The following MTCP1 variants were observed in gnomAD, a reference collection of about 807,000 sequenced individuals.
The protein encoded by MTCP1 is mature T cell proliferation 1, also known as protein p13 MTCP-1.
A neutral mutation model predicts 10.6 loss-of-function variants in MTCP1; 2 were observed. The ratio of observed to expected loss-of-function variants is 0.19; its 90% CI spans 0.08 to 0.59. MTCP1 has a LOEUF of 0.59. Among genes scored for constraint, MTCP1 ranks in the 20% least tolerant of loss-of-function variants. The pLI, the probability that MTCP1 is intolerant of heterozygous loss-of-function variation, is 0.90. For synonymous variants in MTCP1, 29 were observed against 34.4 expected, an observed-to-expected ratio of 0.84 and a Z score of 0.55; for missense variants, 33 against 91.5, an observed-to-expected ratio of 0.36 and a Z score of 2.61.
intron 1 of MTCP1, 26 bp from the exon 2 acceptor site, chrX:155,066,083 G>A: frequency 1.2e-6 from 1 of 865,252 alleles, no homozygotes; most frequent in South Asian, 2.2e-5. Flanking sequence ...ACAGGACACA[G>A]GTGTGACTTT....
Position 155,065,620 on chromosome X carries a change from A to G in MTCP1, c.275T>C (p.Met92Thr). The G allele has an allele frequency of 8.3e-7, 1 of 1,210,959 alleles. No individual in the cohort carries two copies. The highest frequency in any genetic ancestry group is 1.1e-6 in the Non-Finnish European group (1 of 894,690). The change falls in exon 3 of 5, where the codon ATG (methionine) becomes ACG (threonine). Residue 92 changes from methionine (M) to threonine (T), a missense_variant and splice_region_variant. Physicochemically the swap from Met to Thr is moderately conservative, Grantham distance 81 (BLOSUM62 -1). Coordinates refer to ENST00000369476, the MANE Select transcript of MTCP1 (RefSeq NM_001018025.4). Reference protein sequence around the residue: ...SRLWQIQHHLMVRGVQELLLK... With the variant: ...SRLWQIQHHLTVRGVQELLLK... The stretch of plus-strand genomic sequence containing the variant: ...AAAATAATTAAGCAACATGTGTACC[A>G]TTAAATGATGCTGTATCTGCCACAA...
In MTCP1 at chrX:155,064,317, C is replaced by T. The variant is rs1204477988; in HGVS notation, c.*1087G>A. 4.4e-5 allele frequency: 8 copies of T among 183,613 alleles called. No homozygotes were observed. Among genetic ancestry groups the T allele is most frequent in the South Asian group, 2.6e-4 (1 of 3,843 alleles). The allele number at this position is 183,613 out of a possible 1,213,427, so 15.1% of individuals were successfully genotyped here. On this transcript the variant is annotated 3_prime_UTR_variant, in exon 5 of 5. Transcript: ENST00000369476. Reference sequence around the variant, plus strand: ...ACCAACGTTAGGCTAGAGGAGCCGACGGCGCAGCCTGGCTCTATCATTCGC... The same window carrying T: ...ACCAACGTTAGGCTAGAGGAGCCGATGGCGCAGCCTGGCTCTATCATTCGC...
intron 1 of MTCP1, among the ~76,000 whole-genome samples, chrX:155,069,473 T>G (rs1336745892): frequency 1.8e-5 from 2 of 112,147 alleles, no homozygotes; most frequent in African/African-American, 6.5e-5. Flanking sequence ...ATTTCCTATA[T>G]GTTTACATAT....
Position 155,065,904 on chromosome X carries a change from A to C in MTCP1, c.105+2T>G. 8.3e-7 allele frequency: 1 copy of C among 1,208,685 alleles called. No individual in the cohort carries two copies. Among genetic ancestry groups the C allele is most frequent in the Non-Finnish European group, 1.1e-6 (1 of 892,704 alleles). ...AGAAATAAGCAAAATGTAAACAGTT[A>C]CCTCTTCCACGACGGCCACCCACGT... is the stretch of plus-strand genomic sequence containing the variant. On this transcript the variant is annotated splice_donor_variant, in intron 2 of 4. Transcript: ENST00000369476. LOFTEE classifies it high-confidence loss of function.
At position 155,065,664 on chromosome X, in the gene MTCP1, G is replaced by A. The variant is rs1557291950; in HGVS notation, c.231C>T (p.Tyr77=). The A allele has an allele frequency of 8.3e-7, 1 of 1,211,822 alleles. No homozygotes were observed. The highest frequency in any genetic ancestry group is 1.1e-6 in the Non-Finnish European group (1 of 895,402). The change falls in exon 3 of 5, where the codon TAC becomes TAT. Residue 77 remains tyrosine, a synonymous_variant. Transcript: ENST00000369476. Reference sequence around the variant, plus strand: ...GCCACAAGCGAGAGTTGTTATCCATGTAGCGCTCCTCCGGGTAGAGTTGCC... The same window carrying A: ...GCCACAAGCGAGAGTTGTTATCCATATAGCGCTCCTCCGGGTAGAGTTGCC... ...LMWQLYPEER[Y]MDNNSRLWQI... is the part of the protein sequence containing the mutation.
At chrX:155,066,166 T>C in intron 1 of MTCP1, 109 bp from the exon 2 acceptor site, 1 of 437,488 alleles carries the variant, frequency 2.3e-6, no homozygotes, top group Non-Finnish European at 4.0e-6. Context: ...CCAAACCTCA[T>C]ATGTCTATTT....
rs1425133330 is a variant in MTCP1 at position 155,065,299 on chromosome X, C to T, written c.*105G>A. On this transcript the variant is annotated 3_prime_UTR_variant, in exon 5 of 5. Transcript: ENST00000369476. The stretch of plus-strand genomic sequence containing the variant: ...TCTTGAGCAGTTTTTCAACCCACTC[C>T]CTCCCCCCAGGCCCAAGGGTGGGTG... The T allele has an allele frequency of 1.1e-5, 5 of 448,177 alleles. No homozygotes were observed. The highest frequency in any genetic ancestry group is 1.9e-5 in the Non-Finnish European group (5 of 256,878). 36.9% of individuals were successfully genotyped at this position (448,177 alleles called of 1,213,427 possible). A position where few individuals can be genotyped will look rare whatever the true frequency, so the allele number is the denominator to read the frequency against.
In MTCP1 at chrX:155,065,213, C is replaced by T. The variant is rs781926581; in HGVS notation, c.*191G>A. 21 of 365,727 alleles carry T rather than the reference C, an allele frequency of 5.7e-5. No individual in the cohort carries two copies. Among genetic ancestry groups the T allele is most frequent in the Middle Eastern group, 7.5e-4 (1 of 1,336 alleles). 30.1% of individuals were successfully genotyped at this position (365,727 alleles called of 1,213,427 possible). A position where few individuals can be genotyped will look rare whatever the true frequency, so the allele number is the denominator to read the frequency against. ...CTTTTGTTGACTTGCTTTCTGCCTACGTAACCTCTCTCTGCAGTTTCACTT... is the reference window on the plus strand; with the variant it reads ...CTTTTGTTGACTTGCTTTCTGCCTATGTAACCTCTCTCTGCAGTTTCACTT... On this transcript the variant is annotated 3_prime_UTR_variant, in exon 5 of 5. Transcript: ENST00000369476.
intron 1 of MTCP1, among the ~76,000 whole-genome samples, chrX:155,066,599 A>G (rs1184465261): frequency 6.2e-5 from 7 of 112,262 alleles, no homozygotes; most frequent in African/African-American, 2.3e-4. Flanking sequence ...TCTATTTATC[A>G]GTTTACTAAG....
At position 155,070,745 on chromosome X, in the gene MTCP1, TA is replaced by T. The variant is rs1380791970; in HGVS notation, c.-100del. 1 of 111,966 alleles carries T rather than the reference TA, an allele frequency of 8.9e-6. No individual in the cohort carries two copies. The highest frequency in any genetic ancestry group is 1.9e-5 in the Non-Finnish European group (1 of 53,118). The allele number at this position is 111,966 out of a possible 1,213,427, so 9.2% of individuals were successfully genotyped here. A position where few individuals can be genotyped will look rare whatever the true frequency, so the allele number is the denominator to read the frequency against. ...TAATCCGCCTTGAGAACAGCTAGGCTAAAACTTCCAGGTCTCCCACCCTGGG... is the reference window on the plus strand; with the variant it reads ...TAATCCGCCTTGAGAACAGCTAGGCTAAACTTCCAGGTCTCCCACCCTGGG... On this transcript the variant is annotated 5_prime_UTR_variant, in exon 1 of 5. Coordinates refer to ENST00000369476, the MANE Select transcript of MTCP1 (RefSeq NM_001018025.4).
rs201019014 is a variant in MTCP1 at position 155,066,535 on chromosome X, A to G, written c.-47-478T>C. On this transcript the variant is annotated intron_variant, in intron 1 of 4. Transcript: ENST00000369476. ...TTTAAAAGGTAAGATTCTGAAGGACATATATGCATGTCTTTCAGAGTTGAA... is the reference window on the plus strand; with the variant it reads ...TTTAAAAGGTAAGATTCTGAAGGACGTATATGCATGTCTTTCAGAGTTGAA... Among the ~76,000 whole-genome samples the G allele has an allele frequency of 3.5e-5, 4 of 112,769 alleles. No individual in the cohort carries two copies. The East Asian group carries it at 1.1e-3, about 31-fold the overall frequency.
Position 155,064,095 on chromosome X carries a change from C to A in MTCP1, c.*1309G>T, listed in dbSNP as rs1557291831. 1.1e-6 allele frequency: 1 copy of A among 948,800 alleles called. No individual in the cohort carries two copies. Among genetic ancestry groups the A allele is most frequent in the African/African-American group, 2.0e-5 (1 of 50,796 alleles). The allele number at this position is 948,800 out of a possible 1,213,427, so 78.2% of individuals were successfully genotyped here. ...CCATAAAGACTTTAAAGCCCCTCTA[C>A]GTGGAATTTTCTTCTGAGACAAGCA... On this transcript the variant is annotated 3_prime_UTR_variant, in exon 5 of 5. Transcript: ENST00000369476.
In MTCP1 at chrX:155,070,961, G is replaced by A. The variant is rs1428880632; in HGVS notation, c.-315C>T. On this transcript the variant is annotated 5_prime_UTR_variant, in exon 1 of 5. Coordinates refer to ENST00000369476, the MANE Select transcript of MTCP1 (RefSeq NM_001018025.4). ...ATAAAACCTTAACTGTTTTGGGACT[G>A]ACTTTCAAAAGAGCGTCCCCCTGGC... is the stretch of plus-strand genomic sequence containing the variant. 8.8e-6 allele frequency: 1 copy of A among 113,055 alleles called. No homozygotes were observed. The highest frequency in any genetic ancestry group is 1.9e-5 in the Non-Finnish European group (1 of 53,279). The allele number at this position is 113,055 out of a possible 1,213,427, so 9.3% of individuals were successfully genotyped here. A position where few individuals can be genotyped will look rare whatever the true frequency, so the allele number is the denominator to read the frequency against.
intron 1 of MTCP1, among the ~76,000 whole-genome samples, chrX:155,067,748 A>G (rs1157610570): frequency 8.9e-6 from 1 of 112,560 alleles, no homozygotes; most frequent in African/African-American, 3.2e-5. Flanking sequence ...GGAATGATAC[A>G]GTTCTGGGCA....
chrX:155,069,210 T>G (rs1447928847), intron 1 of MTCP1, among the ~76,000 whole-genome samples: 1 of 112,905 alleles, frequency 8.9e-6, no homozygotes, highest in African/African-American at 3.2e-5. Flanking sequence ...TTTGCTTTAA[T>G]TGCCAGGTTG....
chrX:155,069,782 G>A (rs1259145271), intron 1 of MTCP1, among the ~76,000 whole-genome samples: 1 of 111,973 alleles, frequency 8.9e-6, no homozygotes, highest in Non-Finnish European at 1.9e-5. Context: ...AAAAGTTAGT[G>A]AACCTCATTC....
chrX:155,068,437 C>T (rs1232994702), intron 1 of MTCP1, among the ~76,000 whole-genome samples: 1 of 112,084 alleles, frequency 8.9e-6, no homozygotes, highest in Non-Finnish European at 1.9e-5. Flanking sequence ...GCACAGTATC[C>T]TGGAATTGTG....
chrX:155,067,178 G>A (rs1557292082), intron 1 of MTCP1, among the ~76,000 whole-genome samples: 1 of 111,807 alleles, frequency 8.9e-6, no homozygotes, highest in African/African-American at 3.3e-5. Context: ...AAGTGAGACT[G>A]TCGAGAGCAA....
rs1443475457 is a variant in MTCP1 at position 155,070,993 on chromosome X, G to A, written c.-347C>T. On this transcript the variant is annotated 5_prime_UTR_variant, in exon 1 of 5. Transcript: ENST00000369476. ...AAAAGAGCGTCCCCCTGGCTCAAGA[G>A]GCCGGCGTTCGCGGAGATGTCGTCT... 1 of 113,022 alleles carries A rather than the reference G, an allele frequency of 8.8e-6. No individual in the cohort carries two copies. The highest frequency in any genetic ancestry group is 3.2e-5 in the African/African-American group (1 of 31,206). The allele number at this position is 113,022 out of a possible 1,213,427, so 9.3% of individuals were successfully genotyped here.
Sources: gnomAD v4.1 joint callset for allele counts (sites outside exome capture counted in the v4.1 genomes callset) on GRCh38, gnomAD v4.1.1 for gene constraint, MANE v1.5 for transcripts, NCBI Gene and HGNC (gene_info 2026-07-23, HGNC 2026-07-21) for gene names.